KANSL3: variants seen among roughly 807,000 people sequenced by gnomAD.
The protein encoded by KANSL3 is KAT8 regulatory NSL complex subunit 3, also known as NSL complex protein NSL3.
In KANSL3, 16 loss-of-function variants were observed where a neutral mutation model predicts 89.2. The observed-to-expected ratio is 0.18, with a 90% CI of 0.12 to 0.27. KANSL3 has a LOEUF of 0.27. KANSL3 is among the 10% of genes least tolerant of loss of function. The probability of loss-of-function intolerance (pLI) is 1.00; values close to 1 mark genes in which losing one functional copy is unlikely to be tolerated. For synonymous variants in KANSL3, 385 were observed against 419.7 expected, an observed-to-expected ratio of 0.92 and a Z score of 1.01; for missense variants, 879 against 1,110.6, an observed-to-expected ratio of 0.79 and a Z score of 2.96.
intron 3 of KANSL3, among the ~76,000 whole-genome samples, chr2:96,630,706 A>G (rs945800629): frequency 8.5e-5 from 13 of 152,246 alleles, no homozygotes; most frequent in Admixed American, 2.0e-4. Flanking sequence ...CTGTTATGTA[A>G]TTAGGTAAAT....
intron 5 of KANSL3, chr2:96,615,385 G>A: frequency 2.5e-6 from 1 of 404,332 alleles, no homozygotes; most frequent in South Asian, 2.7e-5. Context: ...TATATATCCT[G>A]CTATACTATA....
chr2:96,594,089 TC>T lies in KANSL3; in HGVS notation c.*1521del, dbSNP rs1339541829. On this transcript the variant is annotated 3_prime_UTR_variant, in exon 21 of 21. Coordinates refer to ENST00000431828, the MANE Select transcript of KANSL3 (RefSeq NM_001115016.3). ...TACCCTGACCTACCTTGCCTGAGAC[TC>T]CTAGACACTATGAGCTCCCTTCTGG... The T allele has an allele frequency of 6.8e-6, 1 of 146,262 alleles. No homozygotes were observed. Among genetic ancestry groups the T allele is most frequent in the Non-Finnish European group, 1.5e-5 (1 of 68,124 alleles). The allele number at this position is 146,262 out of a possible 1,614,324, so 9.1% of individuals were successfully genotyped here. A position where few individuals can be genotyped will look rare whatever the true frequency, so the allele number is the denominator to read the frequency against.
In KANSL3 at chr2:96,637,167, G is replaced by C; in HGVS notation, c.-32C>G. 2 of 1,375,868 alleles carry C rather than the reference G, an allele frequency of 1.5e-6. No individual in the cohort carries two copies. Among genetic ancestry groups the C allele is most frequent in the Non-Finnish European group, 2.0e-6 (2 of 990,286 alleles). The allele number at this position is 1,375,868 out of a possible 1,614,324, so 85.2% of individuals were successfully genotyped here. On this transcript the variant is annotated 5_prime_UTR_variant, in exon 2 of 21. Transcript: ENST00000431828. ...GGAGGGGCAGAAAGTCAGAGCATGG[G>C]TATCTGCATGCTAGTCACCTGCAGT...
chr2:96,619,857 C>G, intron 3 of KANSL3, 95 bp from the exon 4 acceptor site: 1 of 1,000,940 alleles, frequency 1.0e-6, no homozygotes, highest in Non-Finnish European at 1.5e-6. Context: ...AGTTTTATGT[C>G]TCTGCTAGGG....
intron 3 of KANSL3, among the ~76,000 whole-genome samples, chr2:96,621,158 T>C (rs1167256767): frequency 2.6e-5 from 4 of 152,148 alleles, no homozygotes; most frequent in African/African-American, 4.8e-5. Context: ...GATCCCTACA[T>C]ATCATTCTAC....
At chr2:96,634,353 C>T (rs2073942009) in intron 2 of KANSL3, among the ~76,000 whole-genome samples, 1 of 152,184 alleles carries the variant, frequency 6.6e-6, no homozygotes, top group African/African-American at 2.4e-5. Context: ...GAAACTCCGT[C>T]TCTACTAAAA....
rs2074317414 is a variant in KANSL3, at chr2:96,636,831, C to T, written c.215+90G>A. The T allele has an allele frequency of 4.5e-6, 5 of 1,107,106 alleles. 1 individual carries two copies. In the African/African-American group the frequency reaches 6.4e-5, roughly 14 times the overall value. 68.6% of individuals were successfully genotyped at this position (1,107,106 alleles called of 1,614,324 possible). A position where few individuals can be genotyped will look rare whatever the true frequency, so the allele number is the denominator to read the frequency against. On this transcript the variant is annotated intron_variant, in intron 2 of 20. Transcript: ENST00000431828. ...ACATCCAAATGCCTCATACAATCTC[C>T]CCCAGTCAATCCTGAGAAAATCCTC...
chr2:96,606,954 A>G (rs2105269051), intron 14 of KANSL3: 3 of 1,271,520 alleles, frequency 2.4e-6, no homozygotes, highest in African/African-American at 1.5e-5. Flanking sequence ...AGCAGGCAAG[A>G]AAGAGTAATA....
downstream of KANSL3, among the ~76,000 whole-genome samples, chr2:96,591,370 G>A (rs967220201): frequency 1.3e-5 from 2 of 152,168 alleles, no homozygotes; most frequent in Non-Finnish European, 2.9e-5. Flanking sequence ...GGGGTGGCAT[G>A]AGGGAGATCT....
chr2:96,607,147 G>A, intron 14 of KANSL3: 1 of 622,184 alleles, frequency 1.6e-6, no homozygotes, highest in Non-Finnish European at 2.5e-6. Flanking sequence ...GCCAATAGGG[G>A]CTCCTTCTGA....
chr2:96,613,676 C>G (rs2069419274), intron 5 of KANSL3, 57 bp from the exon 6 acceptor site: 1 of 1,555,546 alleles, frequency 6.4e-7, no homozygotes, highest in South Asian at 1.1e-5. Context: ...CCTTCCACCA[C>G]CAGCAATCAA....
chr2:96,615,645 G>T, intron 5 of KANSL3: 1 of 430,714 alleles, frequency 2.3e-6, no homozygotes. Context: ...TTTGATGCAA[G>T]TTGTAAAACT....
At chr2:96,609,128 A>C in intron 12 of KANSL3, 64 bp from the exon 13 acceptor site, 1 of 1,381,698 alleles carries the variant, frequency 7.2e-7, no homozygotes, top group Non-Finnish European at 1.0e-6. Context: ...AACCTCTCAT[A>C]TACTTTCCAA....
chr2:96,585,119 A>G, the KANSL3 span, among the ~76,000 whole-genome samples: 1 of 152,326 alleles, frequency 6.6e-6, no homozygotes, highest in Non-Finnish European at 1.5e-5. Flanking sequence ...AAATGCAACA[A>G]GAACAAAAAT....
chr2:96,617,292 A>G (rs1222966663), intron 5 of KANSL3, among the ~76,000 whole-genome samples: 1 of 152,196 alleles, frequency 6.6e-6, no homozygotes, highest in Non-Finnish European at 1.5e-5. Context: ...CCAGTACCTG[A>G]CACACGTAGG....
Position 96,610,966 on chromosome 2 carries a change from A to G in KANSL3, c.1162-83T>C, listed in dbSNP as rs2105417660. 5 of 1,580,704 alleles carry G rather than the reference A, an allele frequency of 3.2e-6. No homozygotes were observed. In the South Asian group the frequency reaches 5.5e-5, roughly 18 times the overall value. On this transcript the variant is annotated intron_variant, in intron 10 of 20. Transcript: ENST00000431828. ...GAAACTCCACTAAGGAGGATCAGCC[A>G]TGCAACTGCAGTCAGCCTCAGCATC...
chr2:96,595,622 G>C lies in KANSL3; in HGVS notation c.2626C>G (p.Pro876Ala). 2 of 1,613,818 alleles carry C rather than the reference G, an allele frequency of 1.2e-6. No homozygotes were observed. The highest frequency in any genetic ancestry group is 1.7e-6 in the Non-Finnish European group (2 of 1,179,798). The stretch of plus-strand genomic sequence containing the variant: ...ATCACACAGCATCTTCAGGGTGCTG[G>C]AGGCAGGCGCTGTGGCAGGAGAGGT... Reference protein sequence around the residue: ...VLPSSSQRLPPAP With the variant: ...VLPSSSQRLPAAP Residue 876 changes from proline to alanine, a missense_variant, in exon 21 of 21, where the codon CCA (proline) becomes GCA (alanine). By Grantham distance (27) the Pro-to-Ala change is conservative (BLOSUM62 -1). Coordinates refer to ENST00000431828, the MANE Select transcript of KANSL3 (RefSeq NM_001115016.3).
chr2:96,631,395 A>T lies in KANSL3; in HGVS notation c.303T>A (p.Asn101Lys). The change falls in exon 3 of 21, where the codon AAT becomes AAA. Residue 101 changes from asparagine to lysine, a missense_variant. Transcript: ENST00000431828. ...YDNQKARSVM[N>K]ECERHVIFAR... Reference sequence around the variant, plus strand: ...CAAAGATGACATGCCGTTCACACTCATTCATCACGCTGCGTGCCTTCTGAT... The same window carrying T: ...CAAAGATGACATGCCGTTCACACTCTTTCATCACGCTGCGTGCCTTCTGAT... 6.2e-7 allele frequency: 1 copy of T among 1,609,612 alleles called. No individual in the cohort carries two copies. The highest frequency in any genetic ancestry group is 8.5e-7 in the Non-Finnish European group (1 of 1,177,912).
intron 5 of KANSL3, among the ~76,000 whole-genome samples, chr2:96,616,572 G>A (rs947859149): frequency 6.6e-6 from 1 of 152,184 alleles, no homozygotes; most frequent in Non-Finnish European, 1.5e-5. Flanking sequence ...CACTTTAAAA[G>A]TAAAACAATC....
Sources: allele counts gnomAD v4.1 joint callset (sites outside exome capture counted in the v4.1 genomes callset), GRCh38; gene constraint gnomAD v4.1.1; transcripts MANE v1.5; gene names NCBI Gene and HGNC (gene_info 2026-07-23, HGNC 2026-07-21).